The following CACNA1A variants were observed in gnomAD, a reference collection of about 807,000 sequenced individuals.
CACNA1A encodes the protein voltage-dependent P/Q-type calcium channel subunit alpha-1A.
CACNA1A carries 57 observed loss-of-function variants against 262.4 expected under a neutral mutation model. The ratio of observed to expected loss-of-function variants is 0.22; its 90% CI spans 0.18 to 0.27. CACNA1A has a LOEUF of 0.27. CACNA1A is among the 10% of genes least tolerant of loss of function. CACNA1A has a pLI of 1.00. For missense variants in CACNA1A, 2,526 were observed against 3,562.8 expected, an observed-to-expected ratio of 0.71 and a Z score of 7.41; for synonymous variants, 1,431 against 1,419.3, an observed-to-expected ratio of 1.01 and a Z score of -0.18.
intron 3 of CACNA1A, among the ~76,000 whole-genome samples, chr19:13,382,231 C>T (rs1022694112): frequency 1.3e-5 from 2 of 152,132 alleles, no homozygotes; most frequent in Non-Finnish European, 2.9e-5. Flanking sequence ...ACAGCATTAT[C>T]GCAGAGCTCA....
intron 1 of CACNA1A, among the ~76,000 whole-genome samples, chr19:13,458,371 G>T (rs1278401524): frequency 6.6e-6 from 1 of 151,962 alleles, no homozygotes; most frequent in Non-Finnish European, 1.5e-5. Context: ...TGCCCAGGGT[G>T]GTCTTGAACT....
chr19:13,413,881 GAAAGAAAGAAAGAA>G (rs926641351), intron 3 of CACNA1A, among the ~76,000 whole-genome samples: 4 of 107,384 alleles, frequency 3.7e-5, no homozygotes, highest in Admixed American at 1.1e-4. Context: ...ACTCTGTCAA[GAAAGAAAGAAAGAA>G]AAAGAAAGAA....
At chr19:13,305,896 C>T (rs2057891970) in intron 15 of CACNA1A, among the ~76,000 whole-genome samples, 1 of 152,162 alleles carries the variant, frequency 6.6e-6, no homozygotes, top group Non-Finnish European at 1.5e-5. Context: ...CCTGTCTCTA[C>T]TAAAAATACA....
intron 3 of CACNA1A, among the ~76,000 whole-genome samples, chr19:13,379,752 C>T (rs1187941180): frequency 2.8e-5 from 4 of 144,810 alleles, no homozygotes; most frequent in African/African-American, 5.1e-5. Context: ...GGTGAAAACC[C>T]GTCTCTACTA....
intron 24 of CACNA1A, chr19:13,275,648 G>A (rs2057128389): frequency 5.0e-6 from 3 of 595,372 alleles, no homozygotes; most frequent in South Asian, 1.9e-5. Flanking sequence ...GCAGGAGGGG[G>A]GGTCCCTTCT....
At chr19:13,288,225 CTTTCTT>C (rs926255195) in intron 19 of CACNA1A, among the ~76,000 whole-genome samples, 18 of 149,234 alleles carry the variant, frequency 1.2e-4, no homozygotes, top group African/African-American at 4.2e-4. Context: ...CTTTTTCTTT[CTTTCTT>C]TTTCTTTTTT....
intron 12 of CACNA1A, among the ~76,000 whole-genome samples, chr19:13,309,276 G>A (rs1048555538): frequency 1.1e-4 from 16 of 152,006 alleles, no homozygotes; most frequent in Admixed American, 1.0e-3. Context: ...CCAAAGTGCT[G>A]GGATTACAGG....
intron 1 of CACNA1A, among the ~76,000 whole-genome samples, chr19:13,470,460 A>T (rs2061329318): frequency 6.6e-6 from 1 of 151,972 alleles, no homozygotes; most frequent in South Asian, 2.1e-4. Context: ...TCTACTTCTC[A>T]ATCTTCCCTT....
intron 3 of CACNA1A, among the ~76,000 whole-genome samples, chr19:13,380,575 G>A (rs1326795030): frequency 7.1e-6 from 1 of 141,272 alleles, no homozygotes; most frequent in East Asian, 2.1e-4. Flanking sequence ...GAACCCATGA[G>A]GTGGAGGTTG....
intron 31 of CACNA1A, 48 bp from the exon 32 acceptor site, chr19:13,235,778 C>G: frequency 7.2e-7 from 1 of 1,390,146 alleles, no homozygotes; most frequent in Non-Finnish European, 1.0e-6. Flanking sequence ...CCCCAAAAGG[C>G]TCAGAGCTGT....
intron 43 of CACNA1A, 41 bp from the exon 44 acceptor site, chr19:13,210,693 A>G: frequency 6.5e-7 from 1 of 1,549,444 alleles, no homozygotes; most frequent in South Asian, 1.2e-5. Flanking sequence ...GAAAAAACAG[A>G]AAGAAGAAAA....
At chr19:13,274,987 T>A (rs865843806) in intron 24 of CACNA1A, 1 of 151,872 alleles carries the variant, frequency 6.6e-6, no homozygotes, top group Admixed American at 6.6e-5. Context: ...AGAACTTGGA[T>A]GCCACCTTGG....
At chr19:13,310,503 T>G (rs2058008538) in intron 12 of CACNA1A, among the ~76,000 whole-genome samples, 5 of 32,246 alleles carry the variant, frequency 1.6e-4, no homozygotes, top group African/African-American at 2.9e-4. Flanking sequence ...TATATATATA[T>G]ATATATATAT....
chr19:13,233,772 C>T (rs955147406), intron 34 of CACNA1A, among the ~76,000 whole-genome samples: 18 of 152,140 alleles, frequency 1.2e-4, no homozygotes, highest in Non-Finnish European at 4.4e-5. Flanking sequence ...ATTACAGGCA[C>T]GAGTCACTGC....
intron 3 of CACNA1A, among the ~76,000 whole-genome samples, chr19:13,394,570 T>C (rs2059776755): frequency 6.6e-6 from 1 of 152,206 alleles, no homozygotes; most frequent in East Asian, 1.9e-4. Context: ...GAACTCTTCC[T>C]GCTTCTTCTC....
In CACNA1A at chr19:13,443,075, C is replaced by T. The variant is rs1011534966; in HGVS notation, c.539+9801G>A. ...TATTTTATATTATTATTTATTGACA[C>T]GGGGTCTCACCCTGTCACCCAGCCT... is the stretch of plus-strand genomic sequence containing the variant. On this transcript the variant is annotated intron_variant, in intron 3 of 46. Coordinates refer to ENST00000360228, the MANE Select transcript of CACNA1A (RefSeq NM_001127222.2). 5.9e-5 allele frequency among the ~76,000 whole-genome samples: 9 copies of T among 152,108 alleles called. No homozygotes were observed. The South Asian group carries it at 8.3e-4, about 14-fold the overall frequency.
intron 24 of CACNA1A, among the ~76,000 whole-genome samples, chr19:13,264,027 C>T (rs1387825822): frequency 1.6e-4 from 25 of 152,178 alleles, no homozygotes; most frequent in Admixed American, 1.6e-3. Flanking sequence ...ATGGTCTCTG[C>T]TGCATTGCTC....
At chr19:13,276,343 G>C (rs950646627) in intron 23 of CACNA1A, among the ~76,000 whole-genome samples, 1 of 152,054 alleles carries the variant, frequency 6.6e-6, no homozygotes, top group African/African-American at 2.4e-5. Context: ...CCCCGTCATC[G>C]CCCATGGGGA....
chr19:13,265,431 G>C (rs2056838613), intron 24 of CACNA1A, among the ~76,000 whole-genome samples: 1 of 152,120 alleles, frequency 6.6e-6, no homozygotes, highest in Non-Finnish European at 1.5e-5. Context: ...ATTTTTCAGG[G>C]AACAAAGACG....
Sources: allele counts gnomAD v4.1 joint callset (sites outside exome capture counted in the v4.1 genomes callset), GRCh38; gene constraint gnomAD v4.1.1; transcripts MANE v1.5; gene names NCBI Gene and HGNC (gene_info 2026-07-23, HGNC 2026-07-21).